The following SLIT3 variants were observed in gnomAD, a reference collection of about 807,000 sequenced individuals.
SLIT3 encodes slit guidance ligand 3, also known as slit homolog 3 protein.
SLIT3 carries 68 observed loss-of-function variants against 184.0 expected under a neutral mutation model. The ratio of observed to expected loss-of-function variants is 0.37; its 90% CI spans 0.30 to 0.45. SLIT3 has a LOEUF of 0.45. Ranked by LOEUF, SLIT3 falls within the 20% of genes least tolerant of loss-of-function variation. The probability of loss-of-function intolerance (pLI) is 1.00; values close to 1 mark genes in which losing one functional copy is unlikely to be tolerated. For missense variants in SLIT3, 1,707 were observed against 2,026.0 expected (o/e 0.84, Z 3.02); for synonymous variants, 831 against 828.6 (o/e 1.00, Z -0.05).
chr5:169,129,489 T>C (rs1000068657), intron 4 of SLIT3, among the ~76,000 whole-genome samples: 1 of 151,966 alleles, frequency 6.6e-6, no homozygotes, highest in African/African-American at 2.4e-5. Context: ...GAGGCAGAGA[T>C]TGCAGTGAGA....
At chr5:169,133,871 A>G (rs943920845) in intron 4 of SLIT3, among the ~76,000 whole-genome samples, 1 of 152,246 alleles carries the variant, frequency 6.6e-6, no homozygotes, top group Non-Finnish European at 1.5e-5. Context: ...TACACAATGC[A>G]GTAAAATAAT....
intron 3 of SLIT3, among the ~76,000 whole-genome samples, chr5:169,226,038 A>G (rs1424928858): frequency 6.6e-6 from 1 of 152,116 alleles, no homozygotes; most frequent in Non-Finnish European, 1.5e-5. Flanking sequence ...TAAGCAGGCA[A>G]GGGGAGAGGG....
intron 4 of SLIT3, among the ~76,000 whole-genome samples, chr5:168,914,053 T>C (rs1761354220): frequency 6.6e-6 from 1 of 152,236 alleles, no homozygotes; most frequent in African/African-American, 2.4e-5. Context: ...TTTCTTCATA[T>C]AGATGTGCCA....
chr5:168,701,711 A>T (rs1430781528), intron 26 of SLIT3, among the ~76,000 whole-genome samples: 1 of 152,152 alleles, frequency 6.6e-6, no homozygotes, highest in Non-Finnish European at 1.5e-5. Context: ...CCCTTACAGG[A>T]CCTGGTAGCG....
intron 4 of SLIT3, among the ~76,000 whole-genome samples, chr5:169,152,962 G>A (rs936231582): frequency 6.6e-6 from 1 of 152,142 alleles, no homozygotes; most frequent in Non-Finnish European, 1.5e-5. Context: ...TCAGCTCTAC[G>A]GTCTCCAGAA....
chr5:169,112,216 T>G (rs1037257818), intron 4 of SLIT3, among the ~76,000 whole-genome samples: 6 of 152,182 alleles, frequency 3.9e-5, no homozygotes, highest in African/African-American at 1.4e-4. Flanking sequence ...CCCTTTGTTC[T>G]GACACAGCAC....
chr5:168,954,701 A>G (rs1219382240), intron 4 of SLIT3, among the ~76,000 whole-genome samples: 1 of 152,202 alleles, frequency 6.6e-6, no homozygotes, highest in Non-Finnish European at 1.5e-5. Flanking sequence ...AGGGAGCTCA[A>G]ACTCAGGCTA....
chr5:168,939,138 T>C (rs1762255118), intron 4 of SLIT3, among the ~76,000 whole-genome samples: 1 of 152,134 alleles, frequency 6.6e-6, no homozygotes, highest in South Asian at 2.1e-4. Context: ...AAGAACCCAA[T>C]GCAGACAAAG....
intron 3 of SLIT3, among the ~76,000 whole-genome samples, chr5:169,196,263 G>T (rs1057054577): frequency 6.6e-6 from 1 of 152,160 alleles, no homozygotes; most frequent in Admixed American, 6.5e-5. Flanking sequence ...GGTGGAAGCC[G>T]TTGGAACTGG....
At chr5:168,686,268 G>T (rs181546368) in intron 30 of SLIT3, among the ~76,000 whole-genome samples, 14 of 152,298 alleles carry the variant, frequency 9.2e-5, no homozygotes, top group Admixed American at 7.8e-4. Flanking sequence ...TTGGACTAGA[G>T]TAGAGGTCCC....
At chr5:168,838,343 G>A (rs1359219498) in intron 6 of SLIT3, among the ~76,000 whole-genome samples, 1 of 152,088 alleles carries the variant, frequency 6.6e-6, no homozygotes, top group Non-Finnish European at 1.5e-5. Flanking sequence ...AAGTTGTGGT[G>A]AAGATTTAAT....
At chr5:168,954,258 G>A (rs1031396720) in intron 4 of SLIT3, among the ~76,000 whole-genome samples, 1 of 152,100 alleles carries the variant, frequency 6.6e-6, no homozygotes, top group African/African-American at 2.4e-5. Flanking sequence ...TCGGGCTGGA[G>A]GAGGGGAGCA....
chr5:168,704,613 C>T (rs1433839250), intron 26 of SLIT3, among the ~76,000 whole-genome samples: 1 of 152,176 alleles, frequency 6.6e-6, no homozygotes, highest in East Asian at 1.9e-4. Flanking sequence ...AAACTTATTT[C>T]ACAAGGTGAT....
chr5:169,207,226 G>A (rs535754989), intron 3 of SLIT3, among the ~76,000 whole-genome samples: 7 of 152,058 alleles, frequency 4.6e-5, no homozygotes, highest in African/African-American at 7.2e-5. Context: ...ACTTATTGGC[G>A]TTTCAAACTG....
chr5:168,899,631 C>A (rs1215194284), intron 4 of SLIT3, among the ~76,000 whole-genome samples: 1 of 152,066 alleles, frequency 6.6e-6, no homozygotes, highest in Non-Finnish European at 1.5e-5. Context: ...ATAAGCATTG[C>A]CATGTAGGTT....
At chr5:169,251,246 C>A in intron 2 of SLIT3, 142 bp downstream of exon 2, 1 of 664,358 alleles carries the variant, frequency 1.5e-6, no homozygotes, top group Non-Finnish European at 2.8e-6. Flanking sequence ...TGTGGGTACG[C>A]TAACGAGGGG....
chr5:168,868,227 T>C (rs79747855), intron 5 of SLIT3, among the ~76,000 whole-genome samples: 1 of 152,164 alleles, frequency 6.6e-6, no homozygotes, highest in African/African-American at 2.4e-5. Flanking sequence ...ACTAACATTG[T>C]ATTTATTGAG....
intron 1 of SLIT3, among the ~76,000 whole-genome samples, chr5:169,288,610 T>C (rs1356045569): frequency 6.6e-6 from 1 of 152,196 alleles, no homozygotes; most frequent in African/African-American, 2.4e-5. Flanking sequence ...TTTGAACTGT[T>C]CTAGTTACCA....
intron 28 of SLIT3, 115 bp from the exon 29 acceptor site, chr5:168,692,815 TG>T: frequency 1.4e-6 from 1 of 696,676 alleles, no homozygotes. Context: ...ATCCAGCCCC[TG>T]GTCAGGTGGG....
Sources: allele counts gnomAD v4.1 joint callset (sites outside exome capture counted in the v4.1 genomes callset), GRCh38; gene constraint gnomAD v4.1.1; transcripts MANE v1.5; gene names NCBI Gene and HGNC (gene_info 2026-07-23, HGNC 2026-07-21).